Variants in ADAMTS12 observed in about 807,000 individuals in gnomAD.
The protein encoded by ADAMTS12 is A disintegrin and metalloproteinase with thrombospondin motifs 12.
In ADAMTS12, 118 loss-of-function variants were observed where a neutral mutation model predicts 167.8. The ratio of observed to expected loss-of-function variants is 0.70; its 90% CI spans 0.61 to 0.82. The LOEUF (loss-of-function observed/expected upper bound fraction) is 0.82, where lower values mean the gene tolerates loss of function less well. Ranked by LOEUF, ADAMTS12 falls within the 40% of genes least tolerant of loss-of-function variation. The probability of loss-of-function intolerance (pLI) is 0.00; values close to 1 mark genes in which losing one functional copy is unlikely to be tolerated. For missense variants in ADAMTS12, 1,916 were observed against 1,998.8 expected (o/e 0.96, Z 0.79); for synonymous variants, 704 against 716.9 (o/e 0.98, Z 0.29).
intron 5 of ADAMTS12, among the ~76,000 whole-genome samples, chr5:33,678,997 G>A (rs182801527): frequency 2.6e-5 from 4 of 152,298 alleles, no homozygotes; most frequent in Admixed American, 2.0e-4. Context: ...TCAGTGCATC[G>A]AGATTTCTGG....
At chr5:33,539,948 G>T (rs567789176) in intron 22 of ADAMTS12, among the ~76,000 whole-genome samples, 6 of 152,256 alleles carry the variant, frequency 3.9e-5, no homozygotes, top group Middle Eastern at 3.4e-3. Flanking sequence ...GGACTGGTTG[G>T]ACAGTGGGTG....
chr5:33,538,639 C>T (rs373099098), intron 22 of ADAMTS12, among the ~76,000 whole-genome samples: 3 of 152,154 alleles, frequency 2.0e-5, no homozygotes, highest in Non-Finnish European at 4.4e-5. Context: ...CCTCCCTTCC[C>T]GGATAAACTG....
At chr5:33,786,738 T>C (rs1746341977) in intron 2 of ADAMTS12, among the ~76,000 whole-genome samples, 1 of 152,224 alleles carries the variant, frequency 6.6e-6, no homozygotes, top group South Asian at 2.1e-4. Flanking sequence ...CTTTCAGCAC[T>C]GTGGCAGTGC....
At chr5:33,679,432 C>A (rs1579829233) in intron 5 of ADAMTS12, among the ~76,000 whole-genome samples, 1 of 152,074 alleles carries the variant, frequency 6.6e-6, no homozygotes, top group East Asian at 1.9e-4. Flanking sequence ...AAGCAAGGCA[C>A]CTTCTTCACA....
intron 18 of ADAMTS12, among the ~76,000 whole-genome samples, chr5:33,587,840 AT>A (rs1747433420): frequency 6.7e-6 from 1 of 148,220 alleles, no homozygotes; most frequent in Non-Finnish European, 1.5e-5. Flanking sequence ...TTTAAAAAAC[AT>A]GTATTTTCTA....
At chr5:33,789,820 C>T (rs563150630) in intron 2 of ADAMTS12, among the ~76,000 whole-genome samples, 7 of 152,262 alleles carry the variant, frequency 4.6e-5, no homozygotes, top group South Asian at 4.1e-4. Flanking sequence ...GGCATGGAAG[C>T]GCCATGTGGT....
rs1745132843 is a variant in ADAMTS12, at chr5:33,549,242, G to T, written c.4267C>A (p.Pro1423Thr). The change falls in exon 21 of 24, where the codon CCC becomes ACC. Residue 1423 changes from proline to threonine, a missense_variant. Coordinates refer to ENST00000504830, the MANE Select transcript of ADAMTS12 (RefSeq NM_030955.4). ...PPLSMSCNPE[P>T]CEAWQVEPWS... ...GGCTCCACCTGCCACGCCTCACAGG[G>T]CTCCGGGTTACAGCTCATGCTCAAT... The T allele has an allele frequency of 6.2e-7, 1 of 1,614,180 alleles. No individual in the cohort carries two copies. Among genetic ancestry groups the T allele is most frequent in the African/African-American group, 1.3e-5 (1 of 75,058 alleles).
intron 2 of ADAMTS12, among the ~76,000 whole-genome samples, chr5:33,831,116 T>C (rs916553855): frequency 6.6e-6 from 1 of 152,070 alleles, no homozygotes; most frequent in East Asian, 1.9e-4. Context: ...GTTAAAACAA[T>C]TGAAATAACA....
At chr5:33,610,145 T>C (rs59429363) in intron 16 of ADAMTS12, among the ~76,000 whole-genome samples, 2,793 of 152,292 alleles carry the variant, frequency 0.018, 95 homozygotes, top group African/African-American at 0.063. Context: ...TGAGCCATTG[T>C]GCTCCAGCCT....
At chr5:33,658,090 G>A in intron 7 of ADAMTS12, 94 bp downstream of exon 7, 1 of 1,481,464 alleles carries the variant, frequency 6.8e-7, no homozygotes, top group Non-Finnish European at 9.3e-7. Flanking sequence ...TGAGTCTCCT[G>A]ACCCCCAATT....
chr5:33,613,988 A>C (rs946972744), intron 16 of ADAMTS12, among the ~76,000 whole-genome samples: 1 of 152,208 alleles, frequency 6.6e-6, no homozygotes, highest in African/African-American at 2.4e-5. Context: ...CATTCAAACA[A>C]AGGTTTTACT....
rs1348720509 is a variant in ADAMTS12 at position 33,684,065 on chromosome 5, A to C, written c.635-10T>G. On this transcript the variant is annotated splice_polypyrimidine_tract_variant and intron_variant, in intron 3 of 23. Transcript: ENST00000504830. Reference sequence around the variant, plus strand: ...GAGATGTTAACACTGTCTAAACAGTAAACAGAAGACAATGGTCTAACACTG... The same window carrying C: ...GAGATGTTAACACTGTCTAAACAGTCAACAGAAGACAATGGTCTAACACTG... The C allele has an allele frequency of 2.3e-5, 35 of 1,547,464 alleles. No individual in the cohort carries two copies. Among genetic ancestry groups the C allele is most frequent in the Non-Finnish European group, 3.0e-5 (35 of 1,147,686 alleles).
Position 33,782,835 on chromosome 5 carries a change from T to C in ADAMTS12, c.490-31287A>G, listed in dbSNP as rs1746185680. Reference sequence around the variant, plus strand: ...GATAAAAATTATGCAAAATTATTGCTTCATATCTCAATATCTCTCTTTTAG... The same window carrying C: ...GATAAAAATTATGCAAAATTATTGCCTCATATCTCAATATCTCTCTTTTAG... On this transcript the variant is annotated intron_variant, in intron 2 of 23. Coordinates refer to ENST00000504830, the MANE Select transcript of ADAMTS12 (RefSeq NM_030955.4). Among the ~76,000 whole-genome samples the C allele has an allele frequency of 2.0e-5, 3 of 152,192 alleles. No individual in the cohort carries two copies. In the South Asian group the frequency reaches 6.2e-4, roughly 32 times the overall value.
chr5:33,583,676 A>G (rs2111990498), intron 18 of ADAMTS12, among the ~76,000 whole-genome samples: 1 of 152,276 alleles, frequency 6.6e-6, no homozygotes, highest in East Asian at 1.9e-4. Context: ...TTTTGGATGT[A>G]AGCCATTTTA....
intron 15 of ADAMTS12, 134 bp from the exon 16 acceptor site, chr5:33,614,510 G>T: frequency 9.7e-7 from 1 of 1,034,416 alleles, no homozygotes; most frequent in Non-Finnish European, 1.4e-6. Context: ...CCATTAAATA[G>T]ATCTATACCT....
chr5:33,779,100 G>A (rs974363561), intron 2 of ADAMTS12, among the ~76,000 whole-genome samples: 1 of 151,590 alleles, frequency 6.6e-6, no homozygotes, highest in Non-Finnish European at 1.5e-5. Flanking sequence ...CATTATGAAG[G>A]TTCCTTAAAA....
At chr5:33,790,697 G>A (rs569525659) in intron 2 of ADAMTS12, among the ~76,000 whole-genome samples, 19 of 149,318 alleles carry the variant, frequency 1.3e-4, no homozygotes, top group South Asian at 2.1e-4. Flanking sequence ...GTACACACAC[G>A]CACATGTGTG....
intron 18 of ADAMTS12, among the ~76,000 whole-genome samples, chr5:33,587,512 T>C (rs2112005533): frequency 6.6e-6 from 1 of 152,296 alleles, no homozygotes; most frequent in East Asian, 1.9e-4. Flanking sequence ...TGGAGTACAG[T>C]GGCATGATAT....
intron 2 of ADAMTS12, among the ~76,000 whole-genome samples, chr5:33,772,849 C>T (rs1561263897): frequency 6.6e-6 from 1 of 152,160 alleles, no homozygotes; most frequent in Non-Finnish European, 1.5e-5. Context: ...GCCTTCTAGA[C>T]ACAGGAATGA....
Sources: gnomAD v4.1 joint callset for allele counts (sites outside exome capture counted in the v4.1 genomes callset) on GRCh38, gnomAD v4.1.1 for gene constraint, MANE v1.5 for transcripts, NCBI Gene and HGNC (gene_info 2026-07-23, HGNC 2026-07-21) for gene names.